Variants in RSU1 observed in about 807,000 individuals in gnomAD.
The protein encoded by RSU1 is rsu-1.
In RSU1, 26 loss-of-function variants were observed where a neutral mutation model predicts 31.1. The observed-to-expected ratio is 0.84, with a 90% CI of 0.61 to 1.16. The LOEUF (loss-of-function observed/expected upper bound fraction) is 1.16, where lower values mean the gene tolerates loss of function less well. Ranked by LOEUF, RSU1 falls within the 50% of genes most tolerant of loss-of-function variation. The pLI is 0.00. For missense variants in RSU1, 320 were observed against 339.1 expected (o/e 0.94, Z 0.44); for synonymous variants, 164 against 136.3 (o/e 1.20, Z -1.41).
At chr10:16,685,837 CAGAG>C (rs1244893397) in intron 8 of RSU1, among the ~76,000 whole-genome samples, 4 of 152,194 alleles carry the variant, frequency 2.6e-5, no homozygotes, top group Admixed American at 2.6e-4. Flanking sequence ...TCATGCGTCC[CAGAG>C]AGAACTATTA....
At chr10:16,776,106 G>A (rs45491094) in intron 3 of RSU1, among the ~76,000 whole-genome samples, 1 of 152,142 alleles carries the variant, frequency 6.6e-6, no homozygotes, top group Non-Finnish European at 1.5e-5. Context: ...GGTCTGAGAA[G>A]AGTGGTGAAG....
chr10:16,671,094 T>C (rs924599645), intron 8 of RSU1, among the ~76,000 whole-genome samples: 2 of 152,106 alleles, frequency 1.3e-5, no homozygotes, highest in African/African-American at 2.4e-5. Context: ...CTGAAATGAC[T>C]GAAATGAAAG....
intron 7 of RSU1, among the ~76,000 whole-genome samples, chr10:16,724,412 T>C (rs140069950): frequency 0.014 from 2,159 of 152,308 alleles, 22 homozygotes; most frequent in Non-Finnish European, 0.023. Flanking sequence ...ACAGGGAAAC[T>C]GGACCAAAAT....
chr10:16,613,604 G>T (rs905680303), intron 8 of RSU1, among the ~76,000 whole-genome samples: 1 of 152,200 alleles, frequency 6.6e-6, no homozygotes, highest in Admixed American at 6.5e-5. Flanking sequence ...ATCTGGGCTT[G>T]CCACCTTGGT....
intron 2 of RSU1, among the ~76,000 whole-genome samples, chr10:16,815,520 C>T (rs1838510493): frequency 6.6e-6 from 1 of 152,170 alleles, no homozygotes; most frequent in South Asian, 2.1e-4. Flanking sequence ...ATATCCCAAA[C>T]TCACAGGCCT....
At chr10:16,739,068 T>A (rs1384846274) in intron 7 of RSU1, among the ~76,000 whole-genome samples, 1 of 152,200 alleles carries the variant, frequency 6.6e-6, no homozygotes, top group East Asian at 1.9e-4. Flanking sequence ...TGCATAGTAT[T>A]CCATGGTGTA....
chr10:16,618,508 T>A (rs1834017356), intron 8 of RSU1, among the ~76,000 whole-genome samples: 1 of 152,228 alleles, frequency 6.6e-6, no homozygotes, highest in African/African-American at 2.4e-5. Context: ...ATCATTCTAC[T>A]ATAAAGACAC....
intron 2 of RSU1, among the ~76,000 whole-genome samples, chr10:16,812,340 G>C (rs1379553587): frequency 6.6e-6 from 1 of 152,210 alleles, no homozygotes; most frequent in Non-Finnish European, 1.5e-5. Flanking sequence ...TACTGGGGAG[G>C]CTGAGGCAGG....
At chr10:16,795,541 G>C (rs1242731624) in intron 2 of RSU1, among the ~76,000 whole-genome samples, 2 of 152,008 alleles carry the variant, frequency 1.3e-5, no homozygotes, top group Non-Finnish European at 2.9e-5. Flanking sequence ...TGAGAAAAAT[G>C]AGACACAAGA....
At chr10:16,618,379 G>A (rs1834014572) in intron 8 of RSU1, among the ~76,000 whole-genome samples, 1 of 152,170 alleles carries the variant, frequency 6.6e-6, no homozygotes, top group African/African-American at 2.4e-5. Context: ...CTGTTGGTGG[G>A]AGTGTAAATT....
chr10:16,785,716 G>A (rs1164771616), intron 2 of RSU1, among the ~76,000 whole-genome samples: 1 of 130,230 alleles, frequency 7.7e-6, no homozygotes, highest in Non-Finnish European at 1.6e-5. Flanking sequence ...CAGGGATATC[G>A]CAGAAACACT....
At chr10:16,663,648 A>G (rs1436525716) in intron 8 of RSU1, among the ~76,000 whole-genome samples, 1 of 152,144 alleles carries the variant, frequency 6.6e-6, no homozygotes, top group African/African-American at 2.4e-5. Context: ...GTACAACTAC[A>G]TGTGTCGTCA....
chr10:16,802,661 A>G (rs1180967328), intron 2 of RSU1, among the ~76,000 whole-genome samples: 1 of 152,190 alleles, frequency 6.6e-6, no homozygotes, highest in Non-Finnish European at 1.5e-5. Context: ...GTTAGCAAAT[A>G]AATTCAAAAA....
intron 8 of RSU1, among the ~76,000 whole-genome samples, chr10:16,658,038 C>G (rs186891895): frequency 2.5e-4 from 38 of 152,170 alleles, no homozygotes; most frequent in African/African-American, 8.4e-4. Context: ...TGGTTCATGA[C>G]AAGATGCAAC....
chr10:16,620,768 C>G lies in RSU1; in HGVS notation c.732-27272G>C, dbSNP rs1204663000. On this transcript the variant is annotated intron_variant, in intron 8 of 8. Coordinates refer to ENST00000345264, the MANE Select transcript of RSU1 (RefSeq NM_012425.4). The stretch of plus-strand genomic sequence containing the variant: ...GCTGAGGCAGGAGAATGGTGTGAAC[C>G]CAGGAGGCGGAGCTTGCAGTCAGCT... Among the ~76,000 whole-genome samples, 3 of 151,746 alleles carry G rather than the reference C, an allele frequency of 2.0e-5. No individual in the cohort carries two copies. The South Asian group carries it at 6.2e-4, about 32-fold the overall frequency.
chr10:16,744,422 C>A lies in RSU1; in HGVS notation c.598+8117G>T, dbSNP rs189263591. ...TAAAAAAAATCCCCAATGAAATAAG[C>A]GCTGTCACAAAAGGTAATGTTAAGA... On this transcript the variant is annotated intron_variant, in intron 7 of 8. Coordinates refer to ENST00000345264, the MANE Select transcript of RSU1 (RefSeq NM_012425.4). Among the ~76,000 whole-genome samples, 1,063 of 152,164 alleles carry A rather than the reference C, an allele frequency of 7.0e-3. 11 individuals are homozygous for A. The highest frequency in any genetic ancestry group is 0.025 in the African/African-American group (1,019 of 41,514).
chr10:16,712,277 C>A (rs1457310346), intron 7 of RSU1, among the ~76,000 whole-genome samples: 1 of 152,084 alleles, frequency 6.6e-6, no homozygotes, highest in Non-Finnish European at 1.5e-5. Context: ...ATTTTTAAAA[C>A]CTGTTCGACC....
intron 7 of RSU1, among the ~76,000 whole-genome samples, chr10:16,749,858 T>A (rs1392712865): frequency 6.6e-6 from 1 of 152,168 alleles, no homozygotes; most frequent in Non-Finnish European, 1.5e-5. Flanking sequence ...TTGTGTTTTG[T>A]TCAAACTTGG....
chr10:16,764,883 T>A (rs543811512), intron 3 of RSU1, among the ~76,000 whole-genome samples: 22 of 142,148 alleles, frequency 1.5e-4, no homozygotes, highest in African/African-American at 6.1e-4. Context: ...TAAGTGCAAC[T>A]TTTTTTTTCC....
Sources: allele counts gnomAD v4.1 joint callset (sites outside exome capture counted in the v4.1 genomes callset), GRCh38; gene constraint gnomAD v4.1.1; transcripts MANE v1.5; gene names NCBI Gene and HGNC (gene_info 2026-07-23, HGNC 2026-07-21).